Variants in FAM227B observed in about 807,000 individuals in gnomAD.
FAM227B encodes the protein protein FAM227B.
In FAM227B, 88 loss-of-function variants were observed where a neutral mutation model predicts 73.8. The observed-to-expected ratio is 1.19, with a 90% CI of 1.00 to 1.42. The LOEUF (loss-of-function observed/expected upper bound fraction) is 1.42, where lower values mean the gene tolerates loss of function less well. Among genes scored for constraint, FAM227B ranks in the 40% most tolerant of loss-of-function variants. The pLI is 0.00. For missense variants in FAM227B, 632 were observed against 590.9 expected (o/e 1.07, Z -0.72); for synonymous variants, 210 against 190.5 (o/e 1.10, Z -0.84).
intron 11 of FAM227B, among the ~76,000 whole-genome samples, chr15:49,437,775 T>C (rs919648626): frequency 6.6e-6 from 1 of 151,632 alleles, no homozygotes; most frequent in Non-Finnish European, 1.5e-5. Flanking sequence ...GCACCCACCA[T>C]TGAAAAAATT....
chr15:49,505,540 G>C (rs2058516250), intron 11 of FAM227B, among the ~76,000 whole-genome samples: 1 of 152,004 alleles, frequency 6.6e-6, no homozygotes, highest in South Asian at 2.1e-4. Context: ...TAACTATACT[G>C]CTCCAAGGTC....
intron 13 of FAM227B, among the ~76,000 whole-genome samples, chr15:49,355,475 G>A (rs2042991128): frequency 6.6e-6 from 1 of 152,160 alleles, no homozygotes; most frequent in African/African-American, 2.4e-5. Context: ...CGATCAACTG[G>A]AAGAAAGGGT....
chr15:49,395,143 A>G lies in FAM227B; in HGVS notation c.1013-23744T>C, dbSNP rs367551211. Among the ~76,000 whole-genome samples, 14 of 152,262 alleles carry G rather than the reference A, an allele frequency of 9.2e-5. No homozygotes were observed. The East Asian group carries it at 1.9e-3, about 21-fold the overall frequency. On this transcript the variant is annotated intron_variant, in intron 11 of 15. Transcript: ENST00000299338. ...TACTTACCAATGTCTTCTTCCTTAAATTTTAATTTATTCTATATGAATATT... is the reference window on the plus strand; with the variant it reads ...TACTTACCAATGTCTTCTTCCTTAAGTTTTAATTTATTCTATATGAATATT...
chr15:49,596,179 G>A (rs966890374), intron 3 of FAM227B, among the ~76,000 whole-genome samples: 1 of 151,826 alleles, frequency 6.6e-6, no homozygotes, highest in Non-Finnish European at 1.5e-5. Context: ...ATCTAAAGTC[G>A]AAACAAAGTA....
At chr15:49,419,426 C>T (rs1360386748) in intron 11 of FAM227B, among the ~76,000 whole-genome samples, 3 of 152,120 alleles carry the variant, frequency 2.0e-5, no homozygotes, top group African/African-American at 7.2e-5. Flanking sequence ...GCATTTATGA[C>T]TTTTTTCCCT....
chr15:49,412,056 C>T (rs1567230278), intron 11 of FAM227B, among the ~76,000 whole-genome samples: 1 of 152,040 alleles, frequency 6.6e-6, no homozygotes, highest in African/African-American at 2.4e-5. Context: ...AGCAATATTT[C>T]GTCTAAAACA....
intron 11 of FAM227B, among the ~76,000 whole-genome samples, chr15:49,470,814 A>T (rs1320663430): frequency 6.6e-6 from 1 of 152,242 alleles, no homozygotes; most frequent in African/African-American, 2.4e-5. Context: ...ACTTTCTAGA[A>T]GATCAATGAA....
chr15:49,439,983 G>A (rs2051484791), intron 11 of FAM227B, among the ~76,000 whole-genome samples: 1 of 151,728 alleles, frequency 6.6e-6, no homozygotes, highest in Non-Finnish European at 1.5e-5. Flanking sequence ...AGGATTCAAA[G>A]CGTTTATCAC....
chr15:49,577,210 T>C lies in FAM227B; in HGVS notation c.442-365A>G, dbSNP rs201130539. 1.4e-4 allele frequency: 39 copies of C among 283,896 alleles called. 1 individual carries two copies. In the Middle Eastern group the frequency reaches 3.7e-3, roughly 27 times the overall value. The allele number at this position is 283,896 out of a possible 1,614,324, so 17.6% of individuals were successfully genotyped here. A position where few individuals can be genotyped will look rare whatever the true frequency, so the allele number is the denominator to read the frequency against. ...TACTTGGGAGGCTGAGGCAGGAGAA[T>C]CACTTGAATCTGGGAGGCAGAGGTT... On this transcript the variant is annotated intron_variant, in intron 6 of 15. Transcript: ENST00000299338.
At chr15:49,603,287 T>C (rs1220900424) in intron 3 of FAM227B, among the ~76,000 whole-genome samples, 1 of 152,160 alleles carries the variant, frequency 6.6e-6, no homozygotes, top group East Asian at 1.9e-4. Context: ...ATGGACTATC[T>C]TTCCATGTTT....
intron 11 of FAM227B, among the ~76,000 whole-genome samples, chr15:49,453,183 CT>C (rs1393622800): frequency 2.0e-5 from 3 of 151,882 alleles, no homozygotes; most frequent in Non-Finnish European, 4.4e-5. Context: ...CTGTATTTTT[CT>C]TTTTTTAAAA....
intron 11 of FAM227B, among the ~76,000 whole-genome samples, chr15:49,413,169 A>G (rs550506915): frequency 6.6e-6 from 1 of 152,178 alleles, no homozygotes; most frequent in East Asian, 1.9e-4. Context: ...TTGTACTCCC[A>G]TAATTCCCAC....
At chr15:49,483,979 G>A (rs2056178293) in intron 11 of FAM227B, among the ~76,000 whole-genome samples, 1 of 152,026 alleles carries the variant, frequency 6.6e-6, no homozygotes, top group African/African-American at 2.4e-5. Context: ...TAAAGAATGA[G>A]TGATGTGGGA....
chr15:49,351,450 A>G (rs1166931200), intron 13 of FAM227B, among the ~76,000 whole-genome samples: 1 of 152,198 alleles, frequency 6.6e-6, no homozygotes, highest in East Asian at 1.9e-4. Context: ...ATTTTTTTCT[A>G]AAACATGTAA....
chr15:49,360,006 G>A lies in FAM227B; in HGVS notation c.1271+7442C>T, dbSNP rs1249242011. Among the ~76,000 whole-genome samples, 26 of 145,082 alleles carry A rather than the reference G, an allele frequency of 1.8e-4. No individual in the cohort carries two copies. In the East Asian group the frequency reaches 4.3e-3, roughly 24 times the overall value. ...TCGCAAGAACAAAAAACCAAACACC[G>A]CATATTCTCACTCATAGGTGGGAAT... On this transcript the variant is annotated intron_variant, in intron 13 of 15. Transcript: ENST00000299338.
chr15:49,584,070 C>T (rs1231014026), intron 5 of FAM227B, among the ~76,000 whole-genome samples: 1 of 152,058 alleles, frequency 6.6e-6, no homozygotes, highest in African/African-American at 2.4e-5. Flanking sequence ...AAAAAGAGAA[C>T]TACAGGCCAA....
At chr15:49,613,643 T>C (rs552383157) in intron 2 of FAM227B, among the ~76,000 whole-genome samples, 1 of 152,288 alleles carries the variant, frequency 6.6e-6, no homozygotes, top group African/African-American at 2.4e-5. Context: ...GTCTACAACA[T>C]AAATAAGTGA....
intron 9 of FAM227B, among the ~76,000 whole-genome samples, chr15:49,557,807 A>G (rs1389975066): frequency 2.6e-5 from 4 of 152,186 alleles, no homozygotes; most frequent in Admixed American, 6.5e-5. Context: ...AGCCACCTAG[A>G]GTCTTTGCAG....
chr15:49,605,401 C>A (rs1018297260), intron 3 of FAM227B, among the ~76,000 whole-genome samples: 2 of 152,186 alleles, frequency 1.3e-5, no homozygotes, highest in African/African-American at 4.8e-5. Context: ...GTCCTAGGCT[C>A]AAGGGATGTT....
Sources: gnomAD v4.1 joint callset for allele counts (sites outside exome capture counted in the v4.1 genomes callset) on GRCh38, gnomAD v4.1.1 for gene constraint, MANE v1.5 for transcripts, NCBI Gene and HGNC (gene_info 2026-07-23, HGNC 2026-07-21) for gene names.